MIB1: variants seen among roughly 807,000 people sequenced by gnomAD.
MIB1 encodes the protein E3 ubiquitin-protein ligase MIB1.
MIB1 carries 278 observed loss-of-function variants against 124.5 expected under a neutral mutation model. That is an observed-to-expected ratio of 2.23 (90% CI 2.02 to 2.47). The LOEUF (loss-of-function observed/expected upper bound fraction) is 2.47. Ranked by LOEUF, MIB1 falls within the 30% of genes most tolerant of loss-of-function variation. The pLI is 0.00. For missense variants in MIB1, 957 were observed against 1,254.4 expected, an observed-to-expected ratio of 0.76 and a Z score of 3.58; for synonymous variants, 446 against 429.4, an observed-to-expected ratio of 1.04 and a Z score of -0.48.
At chr18:21,724,730 ATATATATATATATATATATATATAT>A (rs2040732862) in intron 1 of MIB1, among the ~76,000 whole-genome samples, 3 of 41,398 alleles carry the variant, frequency 7.2e-5, no homozygotes, top group South Asian at 9.2e-4. Context: ...AAAAAAAAAT[ATATATATATATATATATATATATAT>A]ATATATATAT....
chr18:21,844,153 A>G lies in MIB1; in HGVS notation c.2111A>G (p.His704Arg), dbSNP rs2042115535. The G allele has an allele frequency of 3.1e-6, 5 of 1,613,980 alleles. No individual in the cohort carries two copies. The highest frequency in any genetic ancestry group is 1.7e-5 in the Admixed American group (1 of 59,996). The change falls in exon 15 of 21, where the codon CAT becomes CGT. Residue 704 changes from histidine to arginine, a missense_variant. Transcript: ENST00000261537. ...GATAAGGATGGGGATACTCCTTTGC[A>G]TGAAGCTCTAAGGCATCACACTTTG... is the stretch of plus-strand genomic sequence containing the variant. The part of the protein sequence containing the change: ...IQDKDGDTPL[H>R]EALRHHTLSQ...
Position 21,803,911 on chromosome 18 carries a change from ATGGG to A in MIB1, c.1377_1380del (p.Gly460AsnfsTer20). 1 of 1,610,772 alleles carries A rather than the reference ATGGG, an allele frequency of 6.2e-7. No homozygotes were observed. Among genetic ancestry groups the A allele is most frequent in the Non-Finnish European group, 8.5e-7 (1 of 1,177,788 alleles). Reference sequence around the variant, plus strand: ...TCTTTTTTTTAAAAAATGTAGGTAAATGGGCAATGTGCTGGCCACACAGCTATGC... The same window carrying A: ...TCTTTTTTTTAAAAAATGTAGGTAAACAATGTGCTGGCCACACAGCTATGC... On this transcript the variant is annotated frameshift_variant, in exon 10 of 21. Coordinates refer to ENST00000261537, the MANE Select transcript of MIB1 (RefSeq NM_020774.4). LOFTEE classifies it high-confidence loss of function.
chr18:21,755,817 G>A (rs1349468517), intron 1 of MIB1, among the ~76,000 whole-genome samples: 1 of 152,132 alleles, frequency 6.6e-6, no homozygotes, highest in African/African-American at 2.4e-5. Flanking sequence ...GCTTGGGTTA[G>A]AATTCGTTTA....
chr18:21,837,280 G>A (rs1036068786), intron 12 of MIB1, among the ~76,000 whole-genome samples: 1 of 152,164 alleles, frequency 6.6e-6, no homozygotes, highest in Admixed American at 6.5e-5. Context: ...AGGCCGAGGC[G>A]GGTGGATCAC....
At chr18:21,835,478 T>G (rs2042018309) in intron 12 of MIB1, among the ~76,000 whole-genome samples, 1 of 151,986 alleles carries the variant, frequency 6.6e-6, no homozygotes, top group South Asian at 2.1e-4. Context: ...ATCAAGAATA[T>G]AGGAGGAGCC....
chr18:21,751,524 A>C lies in MIB1; in HGVS notation c.229+9712A>C, dbSNP rs201377920. On this transcript the variant is annotated intron_variant, in intron 1 of 20. Transcript: ENST00000261537. ...GTGATCATCCACCTCTGCCTCCCAA[A>C]GTGCTGGGATTACAGGCGTGACCTG... Among the ~76,000 whole-genome samples, 26 of 152,178 alleles carry C rather than the reference A, an allele frequency of 1.7e-4. No individual in the cohort carries two copies. In the East Asian group the frequency reaches 1.9e-3, roughly 11 times the overall value.
intron 3 of MIB1, 34 bp from the exon 4 acceptor site, chr18:21,773,590 A>G (rs1200626247): frequency 6.7e-7 from 1 of 1,486,996 alleles, no homozygotes; most frequent in Admixed American, 1.9e-5. Context: ...CCTCCCCTTT[A>G]AAAAACTTCT....
intron 13 of MIB1, among the ~76,000 whole-genome samples, chr18:21,839,662 C>G (rs2042064114): frequency 6.6e-6 from 1 of 152,066 alleles, no homozygotes; most frequent in Non-Finnish European, 1.5e-5. Flanking sequence ...CCATGCCTGG[C>G]TTTTATTTAT....
At chr18:21,705,205 G>A (rs542674840) in intron 1 of MIB1, 2 of 152,422 alleles carry the variant, frequency 1.3e-5, no homozygotes, top group East Asian at 3.9e-4. Context: ...TCCTCTAGAC[G>A]TTTGCGTTGG....
intron 1 of MIB1, among the ~76,000 whole-genome samples, chr18:21,749,124 C>T (rs1440577900): frequency 6.6e-6 from 1 of 151,854 alleles, no homozygotes; most frequent in African/African-American, 2.4e-5. Context: ...TTCCACTTGA[C>T]GTGTGTTTTC....
intron 12 of MIB1, among the ~76,000 whole-genome samples, chr18:21,837,965 G>T (rs1006092130): frequency 1.3e-5 from 2 of 152,046 alleles, no homozygotes; most frequent in African/African-American, 4.8e-5. Context: ...AACCTGAGAG[G>T]TTCCCCAAAG....
intron 10 of MIB1, among the ~76,000 whole-genome samples, chr18:21,812,228 T>C (rs1216686202): frequency 6.6e-6 from 1 of 152,084 alleles, no homozygotes; most frequent in African/African-American, 2.4e-5. Flanking sequence ...CATATGAAAA[T>C]GTATAGGATC....
At chr18:21,819,118 G>T (rs973749338) in intron 11 of MIB1, among the ~76,000 whole-genome samples, 1 of 152,134 alleles carries the variant, frequency 6.6e-6, no homozygotes, top group Non-Finnish European at 1.5e-5. Context: ...GCTCACTGGA[G>T]CCTTGAACTC....
At chr18:21,831,588 C>T (rs1181385809) in intron 12 of MIB1, among the ~76,000 whole-genome samples, 1 of 152,102 alleles carries the variant, frequency 6.6e-6, no homozygotes, top group Non-Finnish European at 1.5e-5. Flanking sequence ...ATCTTGCTTT[C>T]TGCCTATTGA....
intron 1 of MIB1, among the ~76,000 whole-genome samples, chr18:21,758,414 T>C (rs1437003888): frequency 1.3e-5 from 2 of 152,234 alleles, no homozygotes; most frequent in Non-Finnish European, 2.9e-5. Flanking sequence ...TGTAATACTT[T>C]TTGTTACATT....
chr18:21,843,002 A>ATTG, intron 13 of MIB1, 129 bp from the exon 14 acceptor site: 1 of 603,376 alleles, frequency 1.7e-6, no homozygotes, highest in Non-Finnish European at 2.8e-6. Flanking sequence ...TGAGAATAAC[A>ATTG]TTGCAGCAGC....
At chr18:21,757,404 A>C (rs1255235776) in intron 1 of MIB1, among the ~76,000 whole-genome samples, 1 of 118,978 alleles carries the variant, frequency 8.4e-6, no homozygotes, top group African/African-American at 3.2e-5. Flanking sequence ...GTGAGCCGAG[A>C]TCATGCCACC....
rs1006892337 is a variant in MIB1 at position 21,861,200 on chromosome 18, A to T, written c.2880+2554A>T. Among the ~76,000 whole-genome samples, 13 of 152,270 alleles carry T rather than the reference A, an allele frequency of 8.5e-5. No homozygotes were observed. In the South Asian group the frequency reaches 2.3e-3, roughly 27 times the overall value. ...AATAAGTGAAGATCAATATGAATTTAATGGTTCTTAATGTAATTTGGGACA... is the reference window on the plus strand; with the variant it reads ...AATAAGTGAAGATCAATATGAATTTTATGGTTCTTAATGTAATTTGGGACA... On this transcript the variant is annotated intron_variant, in intron 20 of 20. Transcript: ENST00000261537.
intron 1 of MIB1, among the ~76,000 whole-genome samples, chr18:21,744,926 C>T (rs1347170305): frequency 6.6e-6 from 1 of 152,142 alleles, no homozygotes; most frequent in South Asian, 2.1e-4. Flanking sequence ...TTCATGAAGT[C>T]CCTCAAAGGG....
Sources: gnomAD v4.1 joint callset for allele counts (sites outside exome capture counted in the v4.1 genomes callset) on GRCh38, gnomAD v4.1.1 for gene constraint, MANE v1.5 for transcripts, NCBI Gene and HGNC (gene_info 2026-07-23, HGNC 2026-07-21) for gene names.